ERMAP: variants seen among roughly 807,000 people sequenced by gnomAD.
ERMAP encodes erythroid membrane-associated protein.
In ERMAP, 34 loss-of-function variants were observed where a neutral mutation model predicts 49.5. The ratio of observed to expected loss-of-function variants is 0.69; its 90% CI spans 0.52 to 0.91. ERMAP has a LOEUF of 0.91. ERMAP is among the 40% of genes least tolerant of loss of function. The pLI is 0.00. For synonymous variants in ERMAP, 214 were observed against 232.2 expected (o/e 0.92, Z 0.71); for missense variants, 541 against 582.6 (o/e 0.93, Z 0.74).
chr1:42,826,553 C>T (rs1415153615), intron 2 of ERMAP, among the ~76,000 whole-genome samples: 2 of 152,052 alleles, frequency 1.3e-5, no homozygotes, highest in East Asian at 3.9e-4. Context: ...ATCTAAGTGA[C>T]TTGCTTAAAG....
Position 42,819,183 on chromosome 1 carries a change from G to A in ERMAP, c.-122+1930G>A, listed in dbSNP as rs1025213048. Among the ~76,000 whole-genome samples the A allele has an allele frequency of 1.4e-5, 2 of 143,020 alleles. 1 individual carries two copies. Among genetic ancestry groups the A allele is most frequent in the African/African-American group, 5.0e-5 (2 of 39,952 alleles). The allele number at this position is 143,020 out of a possible 152,430, so 93.8% of individuals were successfully genotyped here. On this transcript the variant is annotated intron_variant, in intron 1 of 11. Coordinates refer to ENST00000372517, the MANE Select transcript of ERMAP (RefSeq NM_001017922.2). This position sits in a 1 kb window ranked among gnomAD's most constrained non-coding sequence, Gnocchi z 5.1. Reference sequence around the variant, plus strand: ...ATAAGTTAGGAGCGTGTGTGTGTGTGTGTGTGTGTGTGTGTGTGTGTGTGC... The same window carrying A: ...ATAAGTTAGGAGCGTGTGTGTGTGTATGTGTGTGTGTGTGTGTGTGTGTGC...
chr1:42,825,541 G>A, intron 1 of ERMAP, 82 bp from the exon 2 acceptor site: 1 of 1,212,232 alleles, frequency 8.2e-7, no homozygotes, highest in Non-Finnish European at 1.0e-6. Context: ...GGGACAGCGA[G>A]AAGGGAGTTC....
chr1:42,842,380 G>T, intron 11 of ERMAP, 137 bp from the exon 12 acceptor site: 1 of 687,226 alleles, frequency 1.5e-6, no homozygotes, highest in Non-Finnish European at 2.4e-6. Flanking sequence ...AGTACACATG[G>T]TGGGGGCGGG....
chr1:42,831,652 T>C (rs1394926192), intron 4 of ERMAP, among the ~76,000 whole-genome samples: 1 of 140,220 alleles, frequency 7.1e-6, no homozygotes, highest in Non-Finnish European at 1.5e-5. Context: ...AGTGCAATCA[T>C]AGCTCACTGT....
chr1:42,836,524 G>C (rs1174903383), intron 6 of ERMAP, among the ~76,000 whole-genome samples: 1 of 152,084 alleles, frequency 6.6e-6, no homozygotes, highest in Non-Finnish European at 1.5e-5. Context: ...TAAGAGCAGT[G>C]GTAAAGCAAG....
chr1:42,826,433 A>G (rs988868733), intron 2 of ERMAP, among the ~76,000 whole-genome samples: 5 of 152,228 alleles, frequency 3.3e-5, no homozygotes, highest in African/African-American at 9.7e-5. Flanking sequence ...TGGGAAAACA[A>G]GAAATTTCAT....
At chr1:42,817,605 A>T (rs764589020) in intron 1 of ERMAP, 1 of 154,104 alleles carries the variant, frequency 6.5e-6, no homozygotes, top group Non-Finnish European at 1.4e-5. Flanking sequence ...CCGAGGCTCA[A>T]TTTCTTAATT....
At chr1:42,837,878 C>T (rs567029014) in intron 7 of ERMAP, 1 of 152,522 alleles carries the variant, frequency 6.6e-6, no homozygotes, top group Non-Finnish European at 1.5e-5. Flanking sequence ...TCCTCTCTTC[C>T]CTCCTTACAT....
rs774755374 is a variant in ERMAP at position 42,843,418 on chromosome 1, A to T, written c.*186A>T. ...CTGAAGCTTACCTTTCTTCTAAGGAATTGAAGCTCCCAGTGACCTGGAGGG... is the reference window on the plus strand; with the variant it reads ...CTGAAGCTTACCTTTCTTCTAAGGATTTGAAGCTCCCAGTGACCTGGAGGG... On this transcript the variant is annotated 3_prime_UTR_variant, in exon 12 of 12. Coordinates refer to ENST00000372517, the MANE Select transcript of ERMAP (RefSeq NM_001017922.2). 14 of 506,546 alleles carry T rather than the reference A, an allele frequency of 2.8e-5. No individual in the cohort carries two copies. The highest frequency in any genetic ancestry group is 6.3e-5 in the East Asian group (2 of 31,864). 31.4% of individuals were successfully genotyped at this position (506,546 alleles called of 1,614,324 possible). A position where few individuals can be genotyped will look rare whatever the true frequency, so the allele number is the denominator to read the frequency against.
intron 1 of ERMAP, 193 bp from the exon 2 acceptor site, chr1:42,825,430 C>G: frequency 9.1e-7 from 1 of 1,096,904 alleles, no homozygotes; most frequent in African/African-American, 1.6e-5. Context: ...GCCTCCTACC[C>G]GGTCAGTCAT....
Position 42,840,175 on chromosome 1 carries a change from T to C in ERMAP, c.682T>C (p.Ser228Pro). 6.2e-7 allele frequency: 1 copy of C among 1,614,188 alleles called. No individual in the cohort carries two copies. The change falls in exon 10 of 12, where the codon TCA becomes CCA. Residue 228 changes from serine (S) to proline (P), a missense_variant. Coordinates refer to ENST00000372517, the MANE Select transcript of ERMAP (RefSeq NM_001017922.2). ...ELKLKRAAAN[S>P]GWRRARLHFV... ...AGAGTTGAAAAGAGCTGCAGCAAAC[T>C]CAGGTGAGATGCACTTTCTCCACAT...
In ERMAP at chr1:42,843,250, T is replaced by A. The variant is rs1400527345; in HGVS notation, c.*18T>A. 2 of 1,534,410 alleles carry A rather than the reference T, an allele frequency of 1.3e-6. No individual in the cohort carries two copies. The highest frequency in any genetic ancestry group is 1.8e-6 in the Non-Finnish European group (2 of 1,139,240). ...CTTTTTAGGGATATGCCACATTACC[T>A]GCTCCCATCACCATCCAGCCCAGCA... On this transcript the variant is annotated 3_prime_UTR_variant, in exon 12 of 12. Coordinates refer to ENST00000372517, the MANE Select transcript of ERMAP (RefSeq NM_001017922.2).
At chr1:42,830,371 G>A (rs1160090773) in intron 2 of ERMAP, 73 bp from the exon 3 acceptor site, 30 of 1,366,268 alleles carry the variant, frequency 2.2e-5, no homozygotes, top group Middle Eastern at 1.8e-4. Flanking sequence ...TCTCGGCCTC[G>A]GCTCCTGGGT....
chr1:42,831,558 T>TTG (rs1654733052), intron 4 of ERMAP, among the ~76,000 whole-genome samples: 1 of 45,784 alleles, frequency 2.2e-5, no homozygotes. Context: ...AGATAGTGTT[T>TTG]TTTTTTTTTT....
At chr1:42,828,386 C>T (rs1351642495) in intron 2 of ERMAP, among the ~76,000 whole-genome samples, 5 of 151,952 alleles carry the variant, frequency 3.3e-5, no homozygotes, top group Non-Finnish European at 1.5e-5. Flanking sequence ...CATGTGTGAG[C>T]AAGAGGAGGT....
At position 42,842,559 on chromosome 1, in the gene ERMAP, T is replaced by C; in HGVS notation, c.755T>C (p.Ile252Thr). ...LDPDTAHPKLILSEDQRCVRL... is the reference protein window; with the variant it reads ...LDPDTAHPKLTLSEDQRCVRL... The stretch of plus-strand genomic sequence containing the variant: ...CCAGACACAGCACATCCCAAACTCA[T>C]CCTTTCTGAGGACCAAAGATGTGTA... The change falls in exon 12 of 12, where the codon ATC (isoleucine) becomes ACC (threonine). Residue 252 changes from isoleucine (I) to threonine (T), a missense_variant. Transcript: ENST00000372517. The C allele has an allele frequency of 6.2e-7, 1 of 1,614,110 alleles. No homozygotes were observed. Among genetic ancestry groups the C allele is most frequent in the Non-Finnish European group, 8.5e-7 (1 of 1,180,012 alleles).
chr1:42,836,542 G>A (rs867348502), intron 6 of ERMAP, among the ~76,000 whole-genome samples: 2 of 152,126 alleles, frequency 1.3e-5, no homozygotes, highest in South Asian at 2.1e-4. Context: ...AAGGAATGGG[G>A]ATATCAGATG....
At position 42,842,770 on chromosome 1, in the gene ERMAP, C is replaced by T; in HGVS notation, c.966C>T (p.Ala322=). The T allele has an allele frequency of 6.2e-7, 1 of 1,614,164 alleles. No homozygotes were observed. The highest frequency in any genetic ancestry group is 8.5e-7 in the Non-Finnish European group (1 of 1,180,032). ...ESVSRKGKVT[A]SPANGHWLLR... Reference sequence around the variant, plus strand: ...TGAGCAGGAAGGGGAAGGTTACTGCCTCACCTGCCAATGGACACTGGCTTC... The same window carrying T: ...TGAGCAGGAAGGGGAAGGTTACTGCTTCACCTGCCAATGGACACTGGCTTC... Residue 322 remains alanine (A), a synonymous_variant, in exon 12 of 12, where the codon GCC becomes GCT. Coordinates refer to ENST00000372517, the MANE Select transcript of ERMAP (RefSeq NM_001017922.2).
chr1:42,842,326 C>T (rs1655079198), intron 11 of ERMAP, among the ~76,000 whole-genome samples, 191 bp from the exon 12 acceptor site: 1 of 152,124 alleles, frequency 6.6e-6, no homozygotes, highest in African/African-American at 2.4e-5. Flanking sequence ...ACTTAGTAAT[C>T]GACCAGGAGA....
Sources: allele counts gnomAD v4.1 joint callset (sites outside exome capture counted in the v4.1 genomes callset), GRCh38; gene constraint gnomAD v4.1.1; non-coding constraint Gnocchi (gnomAD v3.1); transcripts MANE v1.5; gene names NCBI Gene and HGNC (gene_info 2026-07-23, HGNC 2026-07-21).